The following BOLL variants were observed in gnomAD, a reference collection of about 807,000 sequenced individuals.
The protein encoded by BOLL is boule RNA binding protein.
A neutral mutation model predicts 44.4 loss-of-function variants in BOLL; 23 were observed. That is an observed-to-expected ratio of 0.52 (90% confidence interval 0.37 to 0.73). The LOEUF (loss-of-function observed/expected upper bound fraction) is 0.73, where lower values mean the gene tolerates loss of function less well. BOLL is among the 30% of genes least tolerant of loss of function. The pLI, the probability that BOLL is intolerant of heterozygous loss-of-function variation, is 0.00. For synonymous variants in BOLL, 97 were observed against 110.8 expected (o/e 0.88, Z 0.78); for missense variants, 287 against 338.3 (o/e 0.85, Z 1.19).
At position 197,775,694 on chromosome 2, in the gene BOLL, G is replaced by T; in HGVS notation, c.323C>A (p.Ala108Glu). 6.4e-7 allele frequency: 1 copy of T among 1,565,326 alleles called. No individual in the cohort carries two copies. The highest frequency in any genetic ancestry group is 8.7e-7 in the Non-Finnish European group (1 of 1,154,236). Residue 108 changes from alanine to glutamate, a missense_variant, in exon 5 of 11, where the codon GCA becomes GAA. Coordinates refer to ENST00000392296, the MANE Select transcript of BOLL (RefSeq NM_033030.6). ...YKDKKLNIGP[A>E]IRKQQVGIPR... ...GATCCCTACTTGTTGTTTTCTTATT[G>T]CTGGACCAATGTTCAGCTTCTTATC...
At chr2:197,768,050 T>C (rs1186762565) in intron 6 of BOLL, among the ~76,000 whole-genome samples, 1 of 152,062 alleles carries the variant, frequency 6.6e-6, no homozygotes, top group Non-Finnish European at 1.5e-5. Flanking sequence ...GGGTTACTGA[T>C]AGATTATCAC....
rs1283385701 is a variant in BOLL, at chr2:197,727,937, AAAG to A, written c.*615_*617del. On this transcript the variant is annotated 3_prime_UTR_variant, in exon 11 of 11. Transcript: ENST00000392296. ...TCTAATATTTGGAAAATGTTATAAAAAAGAAGTATAAATACTATTCAGATTCTG... is the reference window on the plus strand; with the variant it reads ...TCTAATATTTGGAAAATGTTATAAAAAAGTATAAATACTATTCAGATTCTG... 50 of 152,476 alleles carry A rather than the reference AAAG, an allele frequency of 3.3e-4. No homozygotes were observed. The highest frequency in any genetic ancestry group is 1.2e-3 in the African/African-American group (48 of 41,592). The allele number at this position is 152,476 out of a possible 1,614,324, so 9.4% of individuals were successfully genotyped here.
Position 197,746,377 on chromosome 2 carries a change from C to T in BOLL, c.730-3218G>A, listed in dbSNP as rs150358407. Among the ~76,000 whole-genome samples the T allele has an allele frequency of 4.8e-3, 727 of 152,130 alleles. 7 individuals are homozygous for T. The highest frequency in any genetic ancestry group is 0.016 in the African/African-American group (670 of 41,476). Reference sequence around the variant, plus strand: ...TCACTCCAGCATTATTGATAATAGTCAAGATATGGAATCAACCTTAGTGTC... The same window carrying T: ...TCACTCCAGCATTATTGATAATAGTTAAGATATGGAATCAACCTTAGTGTC... On this transcript the variant is annotated intron_variant, in intron 9 of 10. Transcript: ENST00000392296.
chr2:197,757,295 A>G, intron 8 of BOLL, 58 bp downstream of exon 8: 6 of 1,468,478 alleles, frequency 4.1e-6, no homozygotes, highest in Non-Finnish European at 5.6e-6. Flanking sequence ...TCATGCAGTC[A>G]TCACAAGAAT....
At chr2:197,743,388 A>G (rs1388199884) in intron 9 of BOLL, among the ~76,000 whole-genome samples, 2 of 152,236 alleles carry the variant, frequency 1.3e-5, no homozygotes, top group African/African-American at 4.8e-5. Flanking sequence ...ATGATCATAA[A>G]TCCTATAGAC....
At chr2:197,743,207 C>A (rs1411844340) in intron 9 of BOLL, 48 bp from the exon 10 acceptor site, 23 of 1,379,978 alleles carry the variant, frequency 1.7e-5, no homozygotes, top group Non-Finnish European at 2.3e-5. Context: ...TCTATTAATT[C>A]TAAATATTTA....
chr2:197,728,926 AG>A (rs1686980189), intron 10 of BOLL, among the ~76,000 whole-genome samples: 2 of 152,216 alleles, frequency 1.3e-5, no homozygotes, highest in Non-Finnish European at 2.9e-5. Flanking sequence ...AAAGGGGAAT[AG>A]TATTTTTGGC....
Position 197,771,968 on chromosome 2 carries a change from G to A in BOLL, c.367C>T (p.Pro123Ser). Residue 123 changes from proline (P) to serine (S), a missense_variant, in exon 6 of 11, where the codon CCA becomes TCA. By Grantham distance (74) the Pro-to-Ser change is moderately conservative (BLOSUM62 -1). Coordinates refer to ENST00000392296, the MANE Select transcript of BOLL (RefSeq NM_033030.6). ...QVGIPRSSIMPAAGTMYLTTS... is the reference protein window; with the variant it reads ...QVGIPRSSIMSAAGTMYLTTS... ...GTTAGATACATTGTTCCAGCTGCTG[G>A]CATTATACTAGAACCTAAAGCAAAG... The A allele has an allele frequency of 1.3e-6, 2 of 1,580,960 alleles. No individual in the cohort carries two copies. The highest frequency in any genetic ancestry group is 1.7e-6 in the Non-Finnish European group (2 of 1,158,046).
chr2:197,731,854 A>T (rs974001735), intron 10 of BOLL, among the ~76,000 whole-genome samples: 1 of 151,580 alleles, frequency 6.6e-6, no homozygotes, highest in African/African-American at 2.4e-5. Flanking sequence ...TGCCCACAAG[A>T]GAAAGCAGGA....
At position 197,743,134 on chromosome 2, in the gene BOLL, G is replaced by A; in HGVS notation, c.755C>T (p.Ala252Val). 1 of 1,603,468 alleles carries A rather than the reference G, an allele frequency of 6.2e-7. No individual in the cohort carries two copies. Among genetic ancestry groups the A allele is most frequent in the Non-Finnish European group, 8.5e-7 (1 of 1,174,854 alleles). Residue 252 changes from alanine (A) to valine (V), a missense_variant, in exon 10 of 11, where the codon GCA (alanine) becomes GTA (valine). Physicochemically the swap from Ala to Val is moderately conservative, Grantham distance 64. Coordinates refer to ENST00000392296, the MANE Select transcript of BOLL (RefSeq NM_033030.6). Reference protein sequence around the residue: ...PEPYSDHGVQATYHQVYAPSA... With the variant: ...PEPYSDHGVQVTYHQVYAPSA... ...TGGAGCATAAACCTGGTGATATGTT[G>A]CTTGAACTCCATGATCAGAATAAGG... is the stretch of plus-strand genomic sequence containing the variant.
chr2:197,728,297 A>G lies in BOLL; in HGVS notation c.*258T>C. ...TGGAATGGATAAAACATGTTGTAGA[A>G]AAGGTCATTACAGTTAGGTTAGCAC... On this transcript the variant is annotated 3_prime_UTR_variant, in exon 11 of 11. Coordinates refer to ENST00000392296, the MANE Select transcript of BOLL (RefSeq NM_033030.6). 1 of 514,114 alleles carries G rather than the reference A, an allele frequency of 1.9e-6. No individual in the cohort carries two copies. The highest frequency in any genetic ancestry group is 3.4e-6 in the Non-Finnish European group (1 of 290,644). 31.8% of individuals were successfully genotyped at this position (514,114 alleles called of 1,614,324 possible).
intron 6 of BOLL, among the ~76,000 whole-genome samples, chr2:197,767,406 T>G (rs1260607381): frequency 6.6e-6 from 1 of 152,000 alleles, no homozygotes; most frequent in Non-Finnish European, 1.5e-5. Context: ...GACTATGGTA[T>G]GCTAATAAAA....
At chr2:197,784,337 T>C (rs1043545732) in intron 1 of BOLL, among the ~76,000 whole-genome samples, 1 of 140,814 alleles carries the variant, frequency 7.1e-6, no homozygotes, top group Non-Finnish European at 1.5e-5. Context: ...GACCTGCTCA[T>C]GATATGCCAA....
chr2:197,759,030 AT>A (rs1346686947), intron 7 of BOLL: 1 of 1,527,872 alleles, frequency 6.5e-7, no homozygotes, highest in African/African-American at 1.4e-5. Flanking sequence ...GAGAGGCATG[AT>A]GTCAGCAAGA....
rs1018251418 is a variant in BOLL, at chr2:197,763,892, C to T, written c.552+2640G>A. 2.6e-5 allele frequency among the ~76,000 whole-genome samples: 4 copies of T among 152,116 alleles called. 1 individual carries two copies. Among genetic ancestry groups the T allele is most frequent in the African/African-American group, 9.7e-5 (4 of 41,410 alleles). On this transcript the variant is annotated intron_variant, in intron 7 of 10. Transcript: ENST00000392296. ...AAAATGGGCAAATGATCTGAATAGA[C>T]ATTTCTCAAAAGAAGACAAAGAAAT...
chr2:197,762,068 G>A (rs947155297), intron 7 of BOLL, among the ~76,000 whole-genome samples: 3 of 152,236 alleles, frequency 2.0e-5, no homozygotes, highest in South Asian at 2.1e-4. Flanking sequence ...TAAACAGGCC[G>A]GGCACAGTGG....
At chr2:197,753,020 C>A (rs535178472) in intron 9 of BOLL, among the ~76,000 whole-genome samples, 45 of 152,328 alleles carry the variant, frequency 3.0e-4, no homozygotes, top group African/African-American at 9.4e-4. Flanking sequence ...ACCATCTGAT[C>A]TTTGACAAAC....
upstream of BOLL, chr2:197,785,358 G>A (rs1315602626): frequency 1.0e-6 from 1 of 985,742 alleles, no homozygotes; most frequent in African/African-American, 1.7e-5. This position sits in a 1 kb window ranked among gnomAD's most constrained non-coding sequence, Gnocchi z 6.7. Flanking sequence ...ATTGGCTGCT[G>A]GCGGCGGGAC....
At chr2:197,754,353 C>T (rs1223405219) in intron 9 of BOLL, among the ~76,000 whole-genome samples, 5 of 152,114 alleles carry the variant, frequency 3.3e-5, no homozygotes, top group Non-Finnish European at 7.4e-5. Flanking sequence ...CCGTTCCTTA[C>T]ACCTTATACA....
Sources: gnomAD v4.1 joint callset for allele counts (sites outside exome capture counted in the v4.1 genomes callset) on GRCh38, gnomAD v4.1.1 for gene constraint, Gnocchi (gnomAD v3.1) non-coding constraint, MANE v1.5 for transcripts, NCBI Gene and HGNC (gene_info 2026-07-23, HGNC 2026-07-21) for gene names.